The following RAB27A variants were observed in gnomAD, a reference collection of about 807,000 sequenced individuals.
The protein encoded by RAB27A is RAB27A, member RAS oncogene family, also known as ras-related protein Rab-27A.
In RAB27A, 17 loss-of-function variants were observed where a neutral mutation model predicts 20.8. The observed-to-expected ratio is 0.82, with a 90% CI of 0.56 to 1.23. The LOEUF (loss-of-function observed/expected upper bound fraction) is 1.23. RAB27A is among the 50% of genes most tolerant of loss of function. RAB27A has a pLI of 0.00. For missense variants in RAB27A, 277 were observed against 266.7 expected, an observed-to-expected ratio of 1.04 and a Z score of -0.27; for synonymous variants, 85 against 92.8, an observed-to-expected ratio of 0.92 and a Z score of 0.48.
chr15:55,205,905 AT>A (rs1442596045), intron 6 of RAB27A, among the ~76,000 whole-genome samples, 200 bp from the exon 7 acceptor site: 2 of 152,306 alleles, frequency 1.3e-5, no homozygotes, highest in East Asian at 3.9e-4. Flanking sequence ...AAAACTGGAA[AT>A]TTTAGACTCT....
Position 55,310,249 on chromosome 15 carries a change from T to A in RAB27A, c.-112+3790A>T, listed in dbSNP as rs562844121. Among the ~76,000 whole-genome samples, 8 of 152,270 alleles carry A rather than the reference T, an allele frequency of 5.3e-5. No individual in the cohort carries two copies. In the East Asian group the frequency reaches 1.2e-3, roughly 22 times the overall value. On this transcript the variant is annotated intron_variant, in intron 2 of 5. Coordinates refer to the RAB27A transcript ENST00000563262. Reference sequence around the variant, plus strand: ...AGATAGTGACAGATCTGGAGGACAGTTGTCCAGGACAGAAGAGTAAGACTG... The same window carrying A: ...AGATAGTGACAGATCTGGAGGACAGATGTCCAGGACAGAAGAGTAAGACTG...
At chr15:55,209,867 T>TACAC (rs1215783369) in intron 6 of RAB27A, among the ~76,000 whole-genome samples, 3 of 13,896 alleles carry the variant, frequency 2.2e-4, no homozygotes, top group African/African-American at 3.3e-4. Context: ...TATATACATA[T>TACAC]ATACATATAT....
At chr15:55,211,277 C>T (rs1042484106) in intron 6 of RAB27A, among the ~76,000 whole-genome samples, 2 of 151,806 alleles carry the variant, frequency 1.3e-5, no homozygotes, top group African/African-American at 4.8e-5. Context: ...GGATTTTTTT[C>T]GATATTTGTG....
chr15:55,210,958 G>T (rs1166561419), intron 6 of RAB27A, among the ~76,000 whole-genome samples: 2 of 152,150 alleles, frequency 1.3e-5, no homozygotes, highest in African/African-American at 4.8e-5. Context: ...AGAGATAGGG[G>T]TCTAGTTACA....
At chr15:55,289,884 C>T (rs987914169), upstream of RAB27A, 1 of 152,140 alleles carries the variant, frequency 6.6e-6, no homozygotes, top group Non-Finnish European at 1.5e-5. Flanking sequence ...CACCTCCCGC[C>T]TTCTCCTGTC....
intron 2 of RAB27A, among the ~76,000 whole-genome samples, chr15:55,258,643 C>A (rs1054333596): frequency 3.9e-5 from 6 of 152,218 alleles, no homozygotes; most frequent in African/African-American, 1.2e-4. Context: ...GTTTTACACT[C>A]CCAACTTCAT....
At position 55,205,707 on chromosome 15, in the gene RAB27A, TG is replaced by T. The variant is rs1246571326; in HGVS notation, c.468-3del. On this transcript the variant is annotated splice_polypyrimidine_tract_variant and splice_region_variant and intron_variant, in intron 6 of 6. Transcript: ENST00000336787. ...GCACTAGTTTCAAAGTAGGGGATTC[TG>T]GAAGACAGAGACAACTGAGGTAACA... The T allele has an allele frequency of 1.2e-6, 2 of 1,611,990 alleles. No individual in the cohort carries two copies. The highest frequency in any genetic ancestry group is 1.7e-6 in the Non-Finnish European group (2 of 1,178,160).
chr15:55,294,646 T>C (rs2054940020), upstream of RAB27A, among the ~76,000 whole-genome samples: 1 of 105,642 alleles, frequency 9.5e-6, no homozygotes, highest in Non-Finnish European at 2.0e-5. Flanking sequence ...CTCTTACCAA[T>C]ACCATATATA....
chr15:55,254,588 A>G (rs1897014918), intron 2 of RAB27A, among the ~76,000 whole-genome samples: 1 of 152,218 alleles, frequency 6.6e-6, no homozygotes, highest in South Asian at 2.1e-4. Flanking sequence ...ATACTTATAA[A>G]CTGTGAAAAA....
chr15:55,304,789 A>G (rs1021546783), intron 2 of RAB27A, among the ~76,000 whole-genome samples: 5 of 152,162 alleles, frequency 3.3e-5, no homozygotes, highest in African/African-American at 2.4e-5. Context: ...TTTGGCTATT[A>G]TGAATAATGT....
At chr15:55,285,116 A>T (rs1318961501) in intron 1 of RAB27A, among the ~76,000 whole-genome samples, 3 of 152,170 alleles carry the variant, frequency 2.0e-5, no homozygotes, top group African/African-American at 7.2e-5. Flanking sequence ...AATGTATAAG[A>T]TATAGGAAAC....
intron 2 of RAB27A, among the ~76,000 whole-genome samples, chr15:55,313,390 G>T (rs2049085316): frequency 6.6e-6 from 1 of 152,144 alleles, no homozygotes; most frequent in Non-Finnish European, 1.5e-5. Flanking sequence ...GACAGAGCGA[G>T]ACCCTATCTC....
intron 1 of RAB27A, among the ~76,000 whole-genome samples, chr15:55,278,132 T>A (rs1897922657): frequency 6.6e-6 from 1 of 152,240 alleles, no homozygotes; most frequent in African/African-American, 2.4e-5. Flanking sequence ...TTATATATAG[T>A]GGACTTCAGG....
chr15:55,299,626 G>T (rs1212447595), intron 2 of RAB27A, among the ~76,000 whole-genome samples: 1 of 150,180 alleles, frequency 6.7e-6, no homozygotes, highest in Non-Finnish European at 1.5e-5. Flanking sequence ...GTTGTGAAAG[G>T]CAGTGACTGA....
chr15:55,223,864 T>C (rs1309440092), intron 6 of RAB27A, 25 bp downstream of exon 6: 2 of 1,611,726 alleles, frequency 1.2e-6, no homozygotes, highest in Non-Finnish European at 1.7e-6. Flanking sequence ...ATGTTTTCTC[T>C]AGACTTCTCC....
intron 6 of RAB27A, among the ~76,000 whole-genome samples, chr15:55,206,744 T>A (rs1429559438): frequency 6.6e-6 from 1 of 152,160 alleles, no homozygotes; most frequent in Non-Finnish European, 1.5e-5. Flanking sequence ...TACAACAGTC[T>A]TATCTTTTTG....
intron 1 of RAB27A, among the ~76,000 whole-genome samples, chr15:55,278,733 C>T (rs1004977810): frequency 6.6e-6 from 1 of 152,158 alleles, no homozygotes; most frequent in Non-Finnish European, 1.5e-5. Flanking sequence ...CTGCCCGCCT[C>T]AGCCTCCCAA....
Position 55,230,418 on chromosome 15 carries a change from G to T in RAB27A, c.222C>A (p.Asp74Glu). 1 of 1,612,822 alleles carries T rather than the reference G, an allele frequency of 6.2e-7. No individual in the cohort carries two copies. Among genetic ancestry groups the T allele is most frequent in the Non-Finnish European group, 8.5e-7 (1 of 1,178,794 alleles). Residue 74 changes from aspartate to glutamate, a missense_variant, in exon 4 of 7, where the codon GAC (aspartate) becomes GAA (glutamate). Asp to Glu is a conservative substitution (Grantham distance 45, BLOSUM62 2). Coordinates refer to ENST00000336787, the MANE Select transcript of RAB27A (RefSeq NM_183235.3). ...TCTCATACCTCTCCTGCCCTGCTGT[G>T]TCCCATAACTGCAGGTGGATTCTCT... ...RGQRIHLQLW[D>E]TAGQERFRSL... is the part of the protein sequence containing the mutation.
At chr15:55,315,801 T>G (rs2055040661) in intron 1 of RAB27A, among the ~76,000 whole-genome samples, 1 of 152,188 alleles carries the variant, frequency 6.6e-6, no homozygotes, top group South Asian at 2.1e-4. Context: ...TTTACACTGT[T>G]GGTGGGAGTG....
Sources: allele counts gnomAD v4.1 joint callset (sites outside exome capture counted in the v4.1 genomes callset), GRCh38; gene constraint gnomAD v4.1.1; transcripts MANE v1.5; gene names NCBI Gene and HGNC (gene_info 2026-07-23, HGNC 2026-07-21).